The following ARHGAP15 variants were observed in gnomAD, a reference collection of about 807,000 sequenced individuals.
ARHGAP15 encodes rho GTPase-activating protein 15.
Under a neutral mutation model 63.7 loss-of-function variants are expected in ARHGAP15, and 51 were observed. The observed-to-expected ratio is 0.80, with a 90% CI of 0.64 to 1.01. The LOEUF (loss-of-function observed/expected upper bound fraction) is 1.01, where lower values mean the gene tolerates loss of function less well. Among genes scored for constraint, ARHGAP15 ranks in the 50% least tolerant of loss-of-function variants. The pLI, the probability that ARHGAP15 is intolerant of heterozygous loss-of-function variation, is 0.00. For missense variants in ARHGAP15, 560 were observed against 564.6 expected (o/e 0.99, Z 0.08); for synonymous variants, 191 against 193.8 (o/e 0.99, Z 0.12).
intron 6 of ARHGAP15, among the ~76,000 whole-genome samples, chr2:143,324,182 C>A (rs1684152999): frequency 6.6e-6 from 1 of 152,152 alleles, no homozygotes; most frequent in Admixed American, 6.5e-5. Context: ...CATACCCACA[C>A]ACAAAACTAC....
At chr2:143,394,108 A>AATACAT (rs1687659480) in intron 6 of ARHGAP15, among the ~76,000 whole-genome samples, 1 of 152,202 alleles carries the variant, frequency 6.6e-6, no homozygotes, top group South Asian at 2.1e-4. Flanking sequence ...ATAAGCCTAC[A>AATACAT]ATACATACAA....
intron 6 of ARHGAP15, among the ~76,000 whole-genome samples, chr2:143,316,793 T>C (rs930616766): frequency 6.6e-6 from 1 of 151,884 alleles, no homozygotes; most frequent in African/African-American, 2.4e-5. Flanking sequence ...AATCTCACCA[T>C]TATTTCCAGC....
rs1286896060 is a variant in ARHGAP15 at position 143,205,977 on chromosome 2, C to T, written c.234+3775C>T. Among the ~76,000 whole-genome samples, 3 of 151,980 alleles carry T rather than the reference C, an allele frequency of 2.0e-5. No homozygotes were observed. The East Asian group carries it at 5.8e-4, about 29-fold the overall frequency. On this transcript the variant is annotated intron_variant, in intron 3 of 13. Coordinates refer to ENST00000295095, the MANE Select transcript of ARHGAP15 (RefSeq NM_018460.4). ...CCAGAACAGCCTTCTTTCAATAGTA[C>T]TTTCATTATTTCATTTTCAAATTTT...
Position 143,136,294 on chromosome 2 carries a change from C to CT in ARHGAP15, c.-15+6838dup, listed in dbSNP as rs369639018. 2.5e-3 allele frequency among the ~76,000 whole-genome samples: 373 copies of CT among 148,840 alleles called. 1 individual carries two copies. Among genetic ancestry groups the CT allele is most frequent in the African/African-American group, 7.9e-3 (322 of 40,652 alleles). ...AATAATGGCCCTTAAGGTGTTATAT[C>CT]TTTTTTTTTTCAGTCTAATACTTCT... On this transcript the variant is annotated intron_variant, in intron 1 of 13. Coordinates refer to ENST00000295095, the MANE Select transcript of ARHGAP15 (RefSeq NM_018460.4).
chr2:143,619,639 A>G (rs1698580419), intron 11 of ARHGAP15, among the ~76,000 whole-genome samples: 1 of 152,098 alleles, frequency 6.6e-6, no homozygotes, highest in South Asian at 2.1e-4. Context: ...AATTGTGTTG[A>G]ATTGTAATCC....
chr2:143,738,696 A>G (rs1418490001), intron 13 of ARHGAP15, among the ~76,000 whole-genome samples: 2 of 152,302 alleles, frequency 1.3e-5, no homozygotes, highest in East Asian at 1.9e-4. Flanking sequence ...ACTTGTTTCT[A>G]TTTCTTTTCT....
At chr2:143,251,077 A>T (rs1036894686) in intron 6 of ARHGAP15, among the ~76,000 whole-genome samples, 5 of 152,040 alleles carry the variant, frequency 3.3e-5, no homozygotes, top group Non-Finnish European at 7.4e-5. Flanking sequence ...CATATTGCTT[A>T]CTTTAGTTTT....
At chr2:143,757,127 G>A (rs1169580175) in intron 13 of ARHGAP15, among the ~76,000 whole-genome samples, 6 of 151,348 alleles carry the variant, frequency 4.0e-5, no homozygotes, top group South Asian at 2.1e-4. Flanking sequence ...TTTCTCTTAC[G>A]TCTAAACAAA....
chr2:143,338,106 A>G (rs1203559411), intron 6 of ARHGAP15, among the ~76,000 whole-genome samples: 1 of 152,172 alleles, frequency 6.6e-6, no homozygotes, highest in Non-Finnish European at 1.5e-5. Flanking sequence ...CCTTACAATT[A>G]CTTCCATGAA....
At chr2:143,673,288 G>A (rs115308436) in intron 12 of ARHGAP15, among the ~76,000 whole-genome samples, 93 of 152,164 alleles carry the variant, frequency 6.1e-4, no homozygotes, top group African/African-American at 2.1e-3. Flanking sequence ...CAGAAAGCAC[G>A]TTTATGGGCA....
At chr2:143,627,926 C>T (rs545399785) in intron 12 of ARHGAP15, among the ~76,000 whole-genome samples, 1 of 152,044 alleles carries the variant, frequency 6.6e-6, no homozygotes, top group Admixed American at 6.6e-5. Context: ...ATAATGCCAT[C>T]ACCCAGGTAT....
At chr2:143,499,628 C>G (rs1393023405) in intron 9 of ARHGAP15, among the ~76,000 whole-genome samples, 1 of 152,110 alleles carries the variant, frequency 6.6e-6, no homozygotes, top group Non-Finnish European at 1.5e-5. Context: ...CTACAGGGAA[C>G]ATTTAAAGTT....
intron 6 of ARHGAP15, among the ~76,000 whole-genome samples, chr2:143,293,639 C>T (rs1438620271): frequency 6.6e-6 from 1 of 152,006 alleles, no homozygotes; most frequent in Non-Finnish European, 1.5e-5. Flanking sequence ...GTTAATGATG[C>T]ACAATTTACT....
At chr2:143,646,824 TC>T (rs1680903093) in intron 12 of ARHGAP15, among the ~76,000 whole-genome samples, 1 of 152,004 alleles carries the variant, frequency 6.6e-6, no homozygotes. Flanking sequence ...TACTATAATC[TC>T]ATAATCAAAT....
chr2:143,486,720 T>G (rs1418324785), intron 8 of ARHGAP15, among the ~76,000 whole-genome samples: 1 of 152,006 alleles, frequency 6.6e-6, no homozygotes, highest in Non-Finnish European at 1.5e-5. Context: ...TGTTCAGGAG[T>G]GAATTTTACA....
intron 6 of ARHGAP15, among the ~76,000 whole-genome samples, chr2:143,274,483 T>A (rs956765371): frequency 6.6e-6 from 1 of 152,250 alleles, no homozygotes; most frequent in South Asian, 2.1e-4. Flanking sequence ...TTCTGTTCAA[T>A]AGACCTTTGA....
intron 2 of ARHGAP15, among the ~76,000 whole-genome samples, chr2:143,168,715 G>A (rs947077759): frequency 5.9e-5 from 9 of 152,062 alleles, no homozygotes; most frequent in Non-Finnish European, 1.0e-4. Flanking sequence ...TTATCATAAA[G>A]AATCACACAA....
chr2:143,549,785 A>G (rs1324928354), intron 10 of ARHGAP15, among the ~76,000 whole-genome samples: 2 of 152,178 alleles, frequency 1.3e-5, no homozygotes, highest in East Asian at 3.9e-4. Context: ...AAATTTCTCT[A>G]TATCCCAAGT....
chr2:143,704,013 A>C (rs2105424740), intron 13 of ARHGAP15: 1 of 151,646 alleles, frequency 6.6e-6, no homozygotes, highest in South Asian at 2.1e-4. Flanking sequence ...TCCAGGAAAA[A>C]AAAAAAAAAA....
Sources: allele counts gnomAD v4.1 joint callset (sites outside exome capture counted in the v4.1 genomes callset), GRCh38; gene constraint gnomAD v4.1.1; transcripts MANE v1.5; gene names NCBI Gene and HGNC (gene_info 2026-07-23, HGNC 2026-07-21).